The following GLI3 variants were observed in gnomAD, a reference collection of about 807,000 sequenced individuals.
GLI3 encodes transcription activator GLI3.
GLI3 carries 20 observed loss-of-function variants against 100.8 expected under a neutral mutation model. The observed-to-expected ratio is 0.20, with a 90% confidence interval of 0.14 to 0.29. The LOEUF (loss-of-function observed/expected upper bound fraction) is 0.29, where lower values mean the gene tolerates loss of function less well. GLI3 is among the 10% of genes least tolerant of loss of function. GLI3 has a pLI of 1.00. For synonymous variants in GLI3, 938 were observed against 860.5 expected, an observed-to-expected ratio of 1.09 and a Z score of -1.58; for missense variants, 2,040 against 2,128.5, an observed-to-expected ratio of 0.96 and a Z score of 0.82.
intron 1 of GLI3, among the ~76,000 whole-genome samples, chr7:42,250,484 T>A (rs1789019677): frequency 6.6e-6 from 1 of 151,976 alleles, no homozygotes; most frequent in Non-Finnish European, 1.5e-5. Context: ...TCACAGGGAG[T>A]CATCACCAAG....
At position 41,967,802 on chromosome 7, in the gene GLI3, C is replaced by A. The variant is rs766362972; in HGVS notation, c.2225G>T (p.Ser742Ile). Residue 742 changes from serine to isoleucine, a missense_variant, in exon 14 of 15, where the codon AGT (serine) becomes ATT (isoleucine). By Grantham distance (142) the Ser-to-Ile change is moderately radical. Transcript: ENST00000395925. ...LTDGGSIGDL[S>I]AIDETPIMDS... Reference sequence around the variant, plus strand: ...CATGATTGGGGTTTCATCGATGGCACTGAGGTCTCCTATACTACCTCCATC... The same window carrying A: ...CATGATTGGGGTTTCATCGATGGCAATGAGGTCTCCTATACTACCTCCATC... 6.2e-7 allele frequency: 1 copy of A among 1,614,040 alleles called. No individual in the cohort carries two copies.
intron 2 of GLI3, among the ~76,000 whole-genome samples, chr7:42,198,797 C>T (rs992386806): frequency 2.6e-5 from 4 of 151,692 alleles, no homozygotes; most frequent in African/African-American, 2.4e-5. Context: ...AACACACAGG[C>T]GGCACACACA....
intron 10 of GLI3, among the ~76,000 whole-genome samples, chr7:41,985,810 G>GA (rs1281106287): frequency 6.6e-6 from 1 of 152,068 alleles, no homozygotes; most frequent in African/African-American, 2.4e-5. Flanking sequence ...GGCAGACATA[G>GA]AAAAAAACAT....
chr7:41,994,829 C>T (rs1052817508), intron 10 of GLI3, among the ~76,000 whole-genome samples: 26 of 152,212 alleles, frequency 1.7e-4, no homozygotes, highest in African/African-American at 6.3e-4. Flanking sequence ...ATTGCATAAT[C>T]ATTCAAGTCT....
In GLI3 at chr7:41,972,311, A is replaced by C. The variant is rs1228512258; in HGVS notation, c.2103+26T>G. On this transcript the variant is annotated intron_variant, in intron 13 of 14. Transcript: ENST00000395925. This position sits in a 1 kb window ranked among gnomAD's most constrained non-coding sequence, Gnocchi z 4.4. ...GCTCTTTTAAATGGGCCTGCTGTGA[A>C]GTCAGAAGGAGAGTGAATGACATAC... 6.2e-7 allele frequency: 1 copy of C among 1,604,500 alleles called. No individual in the cohort carries two copies. Among genetic ancestry groups the C allele is most frequent in the Admixed American group, 1.7e-5 (1 of 60,010 alleles).
At chr7:42,235,242 G>A (rs1368824677) in intron 1 of GLI3, among the ~76,000 whole-genome samples, 2 of 152,002 alleles carry the variant, frequency 1.3e-5, no homozygotes, top group East Asian at 3.9e-4. Flanking sequence ...CAATCAATAA[G>A]GCACCTATTC....
intron 1 of GLI3, among the ~76,000 whole-genome samples, chr7:42,253,957 C>T (rs541082472): frequency 5.7e-4 from 87 of 152,258 alleles, no homozygotes; most frequent in African/African-American, 1.9e-3. Context: ...TGATGGTTCA[C>T]GCCTGTAATC....
At chr7:42,172,683 T>C (rs748234707) in intron 2 of GLI3, 44 of 699,780 alleles carry the variant, frequency 6.3e-5, no homozygotes, top group Non-Finnish European at 9.9e-5. Context: ...CTCCAAATGG[T>C]TGCCTGGGAG....
chr7:42,004,953 AACAAAGAATTTTAC>A (rs1788409745), intron 10 of GLI3, among the ~76,000 whole-genome samples: 1 of 152,196 alleles, frequency 6.6e-6, no homozygotes, highest in African/African-American at 2.4e-5. Flanking sequence ...CCAAATTAGG[AACAAAGAATTTTAC>A]ACAAAGAGGT....
chr7:42,031,427 G>A (rs983906384), intron 7 of GLI3, among the ~76,000 whole-genome samples: 1 of 152,170 alleles, frequency 6.6e-6, no homozygotes, highest in Non-Finnish European at 1.5e-5. Flanking sequence ...GTGAGTAAGT[G>A]TAATGGAGAG....
In GLI3 at chr7:41,964,696, T is replaced by C; in HGVS notation, c.4377A>G (p.Ser1459=). 7 of 1,614,168 alleles carry C rather than the reference T, an allele frequency of 4.3e-6. No individual in the cohort carries two copies. The highest frequency in any genetic ancestry group is 5.9e-6 in the Non-Finnish European group (7 of 1,180,008). ...GFSQQDTKAG[S]FSISDASCLL... is the part of the protein sequence containing the mutation. ...GGCAGCTGGCGTCTGAAATAGAGAA[T>C]GAACCAGCTTTCGTGTCTTGCTGAC... The change falls in exon 15 of 15, where the codon TCA becomes TCG. Residue 1459 remains serine (S), a synonymous_variant. Transcript: ENST00000395925.
chr7:42,093,108 C>G (rs1312391352), intron 3 of GLI3, among the ~76,000 whole-genome samples: 2 of 152,054 alleles, frequency 1.3e-5, no homozygotes, highest in Non-Finnish European at 2.9e-5. Flanking sequence ...GCCACCGCGC[C>G]TGGCCAGGAT....
intron 1 of GLI3, among the ~76,000 whole-genome samples, chr7:42,256,967 G>A (rs1206637752): frequency 1.3e-5 from 2 of 151,986 alleles, no homozygotes; most frequent in African/African-American, 4.8e-5. Flanking sequence ...GTGTTTTGTA[G>A]ATTTTATTTC....
intron 4 of GLI3, among the ~76,000 whole-genome samples, chr7:42,057,747 G>T (rs1583518260): frequency 6.6e-6 from 1 of 152,098 alleles, no homozygotes; most frequent in African/African-American, 2.4e-5. Flanking sequence ...GGAGCTAGAG[G>T]CCATTATTCT....
intron 2 of GLI3, among the ~76,000 whole-genome samples, chr7:42,195,493 T>A (rs117294887): frequency 2.6e-5 from 4 of 152,196 alleles, no homozygotes; most frequent in Admixed American, 2.6e-4. Context: ...CATCTGTTTT[T>A]ACAGTGCTTT....
intron 5 of GLI3, among the ~76,000 whole-genome samples, chr7:42,048,167 A>G (rs1784283183): frequency 6.6e-6 from 1 of 152,222 alleles, no homozygotes; most frequent in South Asian, 2.1e-4. Flanking sequence ...GCAGCAGAAC[A>G]GAACCCTAGT....
chr7:42,097,497 C>T (rs979745521), intron 3 of GLI3, among the ~76,000 whole-genome samples: 1 of 152,146 alleles, frequency 6.6e-6, no homozygotes, highest in African/African-American at 2.4e-5. Context: ...CTGGGGCCTA[C>T]CCCGGGAGCC....
intron 4 of GLI3, among the ~76,000 whole-genome samples, chr7:42,056,802 T>C (rs1784470931): frequency 6.7e-6 from 1 of 149,992 alleles, no homozygotes; most frequent in Non-Finnish European, 1.5e-5. Flanking sequence ...AATACAAAAA[T>C]AAATAAATAA....
At chr7:42,225,939 C>A (rs569731303) in intron 1 of GLI3, among the ~76,000 whole-genome samples, 1 of 152,310 alleles carries the variant, frequency 6.6e-6, no homozygotes, top group East Asian at 1.9e-4. Flanking sequence ...TTACTGAGTA[C>A]ATAAATGATC....
Sources: allele counts gnomAD v4.1 joint callset (sites outside exome capture counted in the v4.1 genomes callset), GRCh38; gene constraint gnomAD v4.1.1; non-coding constraint Gnocchi (gnomAD v3.1); transcripts MANE v1.5; gene names NCBI Gene and HGNC (gene_info 2026-07-23, HGNC 2026-07-21).